Variants in PPP2R2B observed in about 807,000 individuals in gnomAD.
PPP2R2B encodes the protein protein phosphatase 2 regulatory subunit Bbeta, also known as serine/threonine-protein phosphatase 2A 55 kDa regulatory subunit B beta isoform.
In PPP2R2B, 5 loss-of-function variants were observed where a neutral mutation model predicts 46.0. The ratio of observed to expected loss-of-function variants is 0.11; its 90% CI spans 0.06 to 0.23. The LOEUF (loss-of-function observed/expected upper bound fraction) is 0.23, where lower values mean the gene tolerates loss of function less well. PPP2R2B is among the 10% of genes least tolerant of loss of function. The probability of loss-of-function intolerance (pLI) is 1.00; values close to 1 mark genes in which losing one functional copy is unlikely to be tolerated. For missense variants in PPP2R2B, 367 were observed against 575.0 expected (o/e 0.64, Z 3.70); for synonymous variants, 215 against 206.7 (o/e 1.04, Z -0.34).
chr5:146,924,946 G>A (rs1399741653), intron 1 of PPP2R2B, among the ~76,000 whole-genome samples: 2 of 152,054 alleles, frequency 1.3e-5, no homozygotes, highest in Admixed American at 6.6e-5. Flanking sequence ...TCACTGATGG[G>A]CATTTGGGTT....
intron 2 of PPP2R2B, among the ~76,000 whole-genome samples, chr5:146,764,043 T>G (rs755862761): frequency 2.0e-5 from 3 of 152,044 alleles, no homozygotes; most frequent in Non-Finnish European, 2.9e-5. Flanking sequence ...TTAATATAAT[T>G]ATTAAAAGGA....
In PPP2R2B at chr5:146,585,246, C is replaced by CCAT. The variant is rs1256873257; in HGVS notation, c.*4698_*4700dup. 2 of 124,042 alleles carry CCAT rather than the reference C, an allele frequency of 1.6e-5. No individual in the cohort carries two copies. Among genetic ancestry groups the CCAT allele is most frequent in the African/African-American group, 6.4e-5 (2 of 31,130 alleles). The allele number at this position is 124,042 out of a possible 1,614,324, so 7.7% of individuals were successfully genotyped here. A position where few individuals can be genotyped will look rare whatever the true frequency, so the allele number is the denominator to read the frequency against. The stretch of plus-strand genomic sequence containing the variant: ...GGGCTTGTTTTCTGATCAGTAACTT[C>CCAT]CATCTACATGCATACACACACACAC... On this transcript the variant is annotated 3_prime_UTR_variant, in exon 10 of 10. Transcript: ENST00000394411.
intron 5 of PPP2R2B, among the ~76,000 whole-genome samples, chr5:146,672,001 A>C (rs906959423): frequency 2.0e-5 from 3 of 152,230 alleles, no homozygotes; most frequent in Non-Finnish European, 4.4e-5. Context: ...AGGTTAAGAG[A>C]AAAATAATGA....
rs1239923909 is a variant in PPP2R2B at position 146,587,227 on chromosome 5, C to T, written c.*2720G>A. On this transcript the variant is annotated 3_prime_UTR_variant, in exon 10 of 10. Coordinates refer to ENST00000394411, the MANE Select transcript of PPP2R2B (RefSeq NM_181675.4). Reference sequence around the variant, plus strand: ...CTGAAAGATCACACATGTAAAATACCTAGTTCAGTACCTGGTAAAGAACAG... The same window carrying T: ...CTGAAAGATCACACATGTAAAATACTTAGTTCAGTACCTGGTAAAGAACAG... The T allele has an allele frequency of 6.6e-6, 1 of 152,216 alleles. No individual in the cohort carries two copies. The highest frequency in any genetic ancestry group is 1.5e-5 in the Non-Finnish European group (1 of 68,044). The allele number at this position is 152,216 out of a possible 1,614,324, so 9.4% of individuals were successfully genotyped here. A position where few individuals can be genotyped will look rare whatever the true frequency, so the allele number is the denominator to read the frequency against.
chr5:146,940,299 T>C (rs189878707), intron 1 of PPP2R2B, among the ~76,000 whole-genome samples: 19 of 152,310 alleles, frequency 1.2e-4, no homozygotes, highest in Non-Finnish European at 2.2e-4. Context: ...CACATCTACT[T>C]GGCCAGGATA....
chr5:146,868,743 T>C lies in PPP2R2B; in HGVS notation c.70+9259A>G, dbSNP rs568740477. On this transcript the variant is annotated intron_variant, in intron 2 of 9. Transcript: ENST00000394411. ...TTGTATTGATTGATTCAGAAGAATA[T>C]TTTTTAGAAAAATGAATCATCTTTT... Among the ~76,000 whole-genome samples the C allele has an allele frequency of 2.6e-5, 4 of 152,324 alleles. No individual in the cohort carries two copies. The South Asian group carries it at 8.3e-4, about 32-fold the overall frequency.
At chr5:146,897,144 A>G (rs1762671159) in intron 1 of PPP2R2B, among the ~76,000 whole-genome samples, 1 of 152,170 alleles carries the variant, frequency 6.6e-6, no homozygotes, top group Non-Finnish European at 1.5e-5. Context: ...TGTTTCTGAG[A>G]GAAGACAGGT....
At chr5:146,722,195 C>A (rs1330801773) in intron 2 of PPP2R2B, among the ~76,000 whole-genome samples, 2 of 152,140 alleles carry the variant, frequency 1.3e-5, no homozygotes, top group African/African-American at 2.4e-5. Flanking sequence ...TTACTGAAGA[C>A]CTGCTATATG....
chr5:146,748,742 G>T (rs1753349013), intron 2 of PPP2R2B, among the ~76,000 whole-genome samples: 1 of 152,104 alleles, frequency 6.6e-6, no homozygotes, highest in African/African-American at 2.4e-5. Flanking sequence ...AGTATTCCAT[G>T]GTATGGACGT....
intron 2 of PPP2R2B, among the ~76,000 whole-genome samples, chr5:146,750,618 A>G (rs943281568): frequency 6.6e-6 from 1 of 152,206 alleles, no homozygotes; most frequent in African/African-American, 2.4e-5. Context: ...TGAGCTCAGC[A>G]TTAGAAACAT....
At chr5:146,793,467 T>A (rs1756337876) in intron 2 of PPP2R2B, among the ~76,000 whole-genome samples, 1 of 152,164 alleles carries the variant, frequency 6.6e-6, no homozygotes, top group South Asian at 2.1e-4. Context: ...TAACAGTGGA[T>A]CCAAGTACTA....
At chr5:146,808,091 G>A (rs1469022416) in intron 2 of PPP2R2B, among the ~76,000 whole-genome samples, 3 of 152,014 alleles carry the variant, frequency 2.0e-5, no homozygotes, top group East Asian at 1.9e-4. Context: ...GTGAGCCACC[G>A]CACCCAGCTA....
chr5:146,778,141 C>A (rs1213526271), intron 2 of PPP2R2B, among the ~76,000 whole-genome samples: 3 of 152,068 alleles, frequency 2.0e-5, no homozygotes, highest in African/African-American at 7.2e-5. Flanking sequence ...AATTTGGGTT[C>A]CGGCATTCCT....
intron 1 of PPP2R2B, among the ~76,000 whole-genome samples, chr5:146,975,470 T>C (rs966709695): frequency 4.6e-5 from 7 of 152,242 alleles, no homozygotes; most frequent in African/African-American, 1.4e-4. Context: ...TAAACATGGG[T>C]ATGCAAATAT....
Position 146,878,542 on chromosome 5 carries a change from T to A in PPP2R2B, c.-125+49A>T, listed in dbSNP as rs1244649856. The A allele has an allele frequency of 7.9e-7, 1 of 1,263,262 alleles. No individual in the cohort carries two copies. Among genetic ancestry groups the A allele is most frequent in the Non-Finnish European group, 1.0e-6 (1 of 986,514 alleles). 78.3% of individuals were successfully genotyped at this position (1,263,262 alleles called of 1,614,324 possible). The stretch of plus-strand genomic sequence containing the variant: ...CAGCCGCGACAAAATGGTGCCTTTC[T>A]GGACCCGAGCTGCAGTGGCGAGATG... On this transcript the variant is annotated intron_variant, in intron 1 of 9. Coordinates refer to ENST00000394411, the MANE Select transcript of PPP2R2B (RefSeq NM_181675.4). This position sits in a 1 kb window ranked among gnomAD's most constrained non-coding sequence, Gnocchi z 4.5.
chr5:146,773,588 T>C (rs1474698177), intron 2 of PPP2R2B, among the ~76,000 whole-genome samples: 1 of 152,220 alleles, frequency 6.6e-6, no homozygotes, highest in Non-Finnish European at 1.5e-5. Context: ...TGACAGATTA[T>C]AGGGTGAGTG....
chr5:147,055,099 C>A (rs1203311099), intron 1 of PPP2R2B, among the ~76,000 whole-genome samples: 1 of 152,178 alleles, frequency 6.6e-6, no homozygotes, highest in African/African-American at 2.4e-5. Context: ...AAAGCATTAA[C>A]TTAGGACCCC....
intron 2 of PPP2R2B, among the ~76,000 whole-genome samples, chr5:146,741,060 T>C (rs1481526514): frequency 1.3e-5 from 2 of 152,102 alleles, no homozygotes; most frequent in Non-Finnish European, 2.9e-5. Context: ...ATGCAGATTT[T>C]TGGGTCCCAC....
chr5:146,626,238 C>G (rs1235742032), intron 7 of PPP2R2B, among the ~76,000 whole-genome samples: 2 of 148,960 alleles, frequency 1.3e-5, no homozygotes, highest in Non-Finnish European at 3.0e-5. Flanking sequence ...GCAGCTAATA[C>G]AGAGAGAAAG....
Sources: gnomAD v4.1 joint callset for allele counts (sites outside exome capture counted in the v4.1 genomes callset) on GRCh38, gnomAD v4.1.1 for gene constraint, Gnocchi (gnomAD v3.1) non-coding constraint, MANE v1.5 for transcripts, NCBI Gene and HGNC (gene_info 2026-07-23, HGNC 2026-07-21) for gene names.